TBC1D30: variants seen among roughly 807,000 people sequenced by gnomAD.
The protein encoded by TBC1D30 is TBC1 domain family member 30.
TBC1D30 carries 31 observed loss-of-function variants against 63.2 expected under a neutral mutation model. The ratio of observed to expected loss-of-function variants is 0.49; its 90% CI spans 0.37 to 0.66. The LOEUF (loss-of-function observed/expected upper bound fraction) is 0.66. Ranked by LOEUF, TBC1D30 falls within the 30% of genes least tolerant of loss-of-function variation. The pLI, the probability that TBC1D30 is intolerant of heterozygous loss-of-function variation, is 0.00. For synonymous variants in TBC1D30, 307 were observed against 361.5 expected, an observed-to-expected ratio of 0.85 and a Z score of 1.71; for missense variants, 810 against 953.6, an observed-to-expected ratio of 0.85 and a Z score of 1.98.
rs1427509018 is a variant in TBC1D30 at position 64,843,456 on chromosome 12, G to T, written c.1009G>T (p.Asp337Tyr). ...GRLTQEMLEN[D>Y]LLQSHELMQT... ...CCTTACCCAGGAGATGCTAGAGAAT[G>T]ATCTTCTGCAAAGCCATGAACTCAT... The change falls in exon 8 of 12, where the codon GAT becomes TAT. Residue 337 changes from aspartate to tyrosine, a missense_variant. Asp to Tyr is a radical substitution (Grantham distance 160). This residue lies in a region of TBC1D30 where 83 missense variants were observed against 121.5 expected (regional missense o/e 0.68). Coordinates refer to ENST00000539867, the MANE Select transcript of TBC1D30 (RefSeq NM_015279.2). 1.4e-5 allele frequency: 21 copies of T among 1,536,066 alleles called. No individual in the cohort carries two copies. The highest frequency in any genetic ancestry group is 1.8e-5 in the Non-Finnish European group (21 of 1,146,924).
At chr12:64,785,920 A>G (rs1871543097) in exon 2 of TBC1D30, 1 of 1,289,880 alleles carries the variant, frequency 7.8e-7, no homozygotes, top group Non-Finnish European at 1.0e-6. Context: ...GAGCTAAAGT[A>G]CAGAATTGGC....
At chr12:64,829,042 G>C (rs1005297881) in intron 3 of TBC1D30, among the ~76,000 whole-genome samples, 1 of 152,096 alleles carries the variant, frequency 6.6e-6, no homozygotes, top group South Asian at 2.1e-4. Context: ...GGGGCACAGT[G>C]AACAAAGGGG....
At chr12:64,796,291 AC>A (rs148091048) in intron 2 of TBC1D30, among the ~76,000 whole-genome samples, 1,538 of 152,114 alleles carry the variant, frequency 0.01, 22 homozygotes, top group African/African-American at 0.034. Flanking sequence ...TTTACCCACA[AC>A]CTTTGGTTGA....
intron 3 of TBC1D30, among the ~76,000 whole-genome samples, chr12:64,830,076 T>A (rs1325664749): frequency 6.6e-6 from 1 of 152,190 alleles, no homozygotes; most frequent in Non-Finnish European, 1.5e-5. Flanking sequence ...TGAACAGAAA[T>A]ACAATTTGAA....
upstream of TBC1D30, among the ~76,000 whole-genome samples, chr12:64,820,463 C>T (rs898518141): frequency 6.6e-6 from 1 of 152,176 alleles, no homozygotes; most frequent in Non-Finnish European, 1.5e-5. Context: ...TTCCTCAAAG[C>T]CTTCATTTTC....
At chr12:64,774,924 C>T (rs1003952265) in intron 1 of TBC1D30, among the ~76,000 whole-genome samples, 2 of 151,888 alleles carry the variant, frequency 1.3e-5, no homozygotes, top group Admixed American at 6.6e-5. Flanking sequence ...GAATCCCCGT[C>T]TCTACTAAAA....
chr12:64,830,183 TG>T (rs1338593911), intron 3 of TBC1D30, among the ~76,000 whole-genome samples, 193 bp from the exon 4 acceptor site: 1 of 152,110 alleles, frequency 6.6e-6, no homozygotes, highest in African/African-American at 2.4e-5. Context: ...AAAGAGTAAA[TG>T]AAAGGCCCTA....
At chr12:64,870,493 G>C (rs1878566964) in intron 10 of TBC1D30, 109 bp from the exon 11 acceptor site, 1 of 853,120 alleles carries the variant, frequency 1.2e-6, no homozygotes, top group Admixed American at 2.5e-5. Flanking sequence ...CTGTGGTTTA[G>C]AATTTCATGG....
At chr12:64,870,943 G>A (rs1878607735) in intron 11 of TBC1D30, 135 bp downstream of exon 11, 2 of 795,606 alleles carry the variant, frequency 2.5e-6, no homozygotes, top group Non-Finnish European at 3.9e-6. Context: ...TGACATAATA[G>A]CATATTTAGC....
chr12:64,836,263 A>G (rs1813764550), intron 5 of TBC1D30, among the ~76,000 whole-genome samples: 1 of 152,204 alleles, frequency 6.6e-6, no homozygotes, highest in South Asian at 2.1e-4. Context: ...GAAATTTCAG[A>G]CAGCAGCGGA....
intron 8 of TBC1D30, among the ~76,000 whole-genome samples, chr12:64,854,533 C>T (rs1347527870): frequency 6.9e-6 from 1 of 144,684 alleles, no homozygotes; most frequent in Non-Finnish European, 1.5e-5. Flanking sequence ...CTTGCTCTGT[C>T]ACCCAGGCTG....
At chr12:64,825,169 T>C in intron 1 of TBC1D30, 136 bp downstream of exon 1, 2 of 1,294,630 alleles carry the variant, frequency 1.5e-6, no homozygotes, top group Non-Finnish European at 1.0e-6. Flanking sequence ...GGGCACCGCG[T>C]TGGCACCTGC....
rs574213140 is a variant in TBC1D30, at chr12:64,805,844, TAAA to T, written c.643+19801_643+19803del. On this transcript the variant is annotated intron_variant, in intron 2 of 12. Coordinates refer to the TBC1D30 transcript ENST00000542120. Reference sequence around the variant, plus strand: ...TGAGACTCTGTCTCAAAAAATAAAATAAAATAAAATAAATAAAATAGTTTCTTC... The same window carrying T: ...TGAGACTCTGTCTCAAAAAATAAAATATAAAATAAATAAAATAGTTTCTTC... 7.6e-3 allele frequency among the ~76,000 whole-genome samples: 1,156 copies of T among 151,990 alleles called. 9 individuals carry two copies. Among genetic ancestry groups the T allele is most frequent in the Middle Eastern group, 0.017 (5 of 294 alleles).
At chr12:64,770,800 C>A (rs1870879940) in intron 1 of TBC1D30, among the ~76,000 whole-genome samples, 1 of 151,578 alleles carries the variant, frequency 6.6e-6, no homozygotes, top group Non-Finnish European at 1.5e-5. Context: ...GCCTCCCGGG[C>A]TCAAGCGACT....
intron 1 of TBC1D30, 109 bp from the exon 2 acceptor site, chr12:64,827,726 C>A: frequency 1.2e-6 from 1 of 814,422 alleles, no homozygotes; most frequent in Non-Finnish European, 1.9e-6. Context: ...AAGATACATA[C>A]TTTAAAAAAA....
intron 1 of TBC1D30, among the ~76,000 whole-genome samples, chr12:64,782,294 TAAA>T (rs60553568): frequency 7.0e-6 from 1 of 141,860 alleles, no homozygotes. Context: ...CTCACTGTAT[TAAA>T]AAAAAAAAAA....
intron 1 of TBC1D30, among the ~76,000 whole-genome samples, chr12:64,761,202 C>CA (rs1279495976): frequency 3.9e-5 from 6 of 151,966 alleles, no homozygotes; most frequent in East Asian, 1.9e-4. Context: ...CTTTCTTGCA[C>CA]AAAAAAATAA....
intron 1 of TBC1D30, among the ~76,000 whole-genome samples, chr12:64,760,793 C>T (rs759045687): frequency 2.0e-5 from 3 of 149,224 alleles, no homozygotes; most frequent in Non-Finnish European, 4.4e-5. Context: ...GATGGAAACA[C>T]GTTGAAACCT....
At position 64,824,724 on chromosome 12, in the gene TBC1D30, C is replaced by A. The variant is rs899199333; in HGVS notation, c.-156C>A. The A allele has an allele frequency of 7.5e-6, 8 of 1,071,078 alleles. No homozygotes were observed. Among genetic ancestry groups the A allele is most frequent in the Non-Finnish European group, 1.0e-5 (8 of 779,334 alleles). 66.3% of individuals were successfully genotyped at this position (1,071,078 alleles called of 1,614,324 possible). The stretch of plus-strand genomic sequence containing the variant: ...GCTCCCGCGGTGCCCCGTAAGTCCC[C>A]GTGACCCTCCAGCACCAGCCGGCTG... On this transcript the variant is annotated 5_prime_UTR_variant, in exon 1 of 12. Coordinates refer to ENST00000539867, the MANE Select transcript of TBC1D30 (RefSeq NM_015279.2).
Sources: gnomAD v4.1 joint callset for allele counts (sites outside exome capture counted in the v4.1 genomes callset) on GRCh38, gnomAD v4.1.1 for gene constraint, gnomAD v4.1.1 regional missense constraint, MANE v1.5 for transcripts, NCBI Gene and HGNC (gene_info 2026-07-23, HGNC 2026-07-21) for gene names.